The following MUC13 variants were observed in gnomAD, a reference collection of about 807,000 sequenced individuals.
The protein encoded by MUC13 is mucin-13.
MUC13 carries 32 observed loss-of-function variants against 48.3 expected under a neutral mutation model. That is an observed-to-expected ratio of 0.66 (90% CI 0.50 to 0.89). The LOEUF (loss-of-function observed/expected upper bound fraction) is 0.89, where lower values mean the gene tolerates loss of function less well. Ranked by LOEUF, MUC13 falls within the 40% of genes least tolerant of loss-of-function variation. The pLI is 0.00. For missense variants in MUC13, 571 were observed against 622.8 expected (o/e 0.92, Z 0.88); for synonymous variants, 199 against 224.9 (o/e 0.88, Z 1.03).
Position 124,913,617 on chromosome 3 carries a change from T to C in MUC13, c.1029A>G (p.Ala343=). 1 of 1,614,244 alleles carries C rather than the reference T, an allele frequency of 6.2e-7. No individual in the cohort carries two copies. Among genetic ancestry groups the C allele is most frequent in the South Asian group, 1.1e-5 (1 of 91,086 alleles). Residue 343 remains alanine (A), a synonymous_variant, in exon 7 of 12, where the codon GCA becomes GCG. Coordinates refer to ENST00000616727, the MANE Select transcript of MUC13 (RefSeq NM_033049.4). The part of the protein sequence containing the change: ...QTADDCLNGL[A]CDCKSDLQRP... ...TTTGCAGGTCAGATTTGCAATCGCA[T>C]GCTAAACCATTGAGGCAGTCATCCG... is the stretch of plus-strand genomic sequence containing the variant.
intron 6 of MUC13, among the ~76,000 whole-genome samples, chr3:124,915,011 A>G (rs1935486952): frequency 6.6e-6 from 1 of 152,220 alleles, no homozygotes; most frequent in South Asian, 2.1e-4. Flanking sequence ...GGGAGGCACG[A>G]AGGCGATTAG....
chr3:124,921,792 A>T (rs1559999438), intron 4 of MUC13, among the ~76,000 whole-genome samples: 3 of 152,302 alleles, frequency 2.0e-5, no homozygotes, highest in Admixed American at 6.5e-5. Context: ...ACATCTTTAA[A>T]TTTTTTCTCT....
At chr3:124,915,002 G>A (rs1935486714) in intron 6 of MUC13, among the ~76,000 whole-genome samples, 1 of 152,236 alleles carries the variant, frequency 6.6e-6, no homozygotes. Context: ...GAAGGATGAG[G>A]GAGGCACGAA....
At chr3:124,920,047 T>G in intron 5 of MUC13, 187 bp downstream of exon 5, 1 of 642,080 alleles carries the variant, frequency 1.6e-6, no homozygotes, top group South Asian at 1.9e-5. Flanking sequence ...CTGCCCAGAG[T>G]TGGGGTGACA....
intron 6 of MUC13, among the ~76,000 whole-genome samples, chr3:124,915,734 G>A (rs891867374): frequency 7.2e-5 from 11 of 152,202 alleles, no homozygotes; most frequent in African/African-American, 2.4e-4. Flanking sequence ...TGCTCAGGCT[G>A]GAGTGTGGTG....
intron 1 of MUC13, among the ~76,000 whole-genome samples, chr3:124,929,993 C>A (rs1453839741): frequency 6.6e-6 from 1 of 152,192 alleles, no homozygotes; most frequent in Admixed American, 6.5e-5. Flanking sequence ...GTGAGAGTGG[C>A]CAGGGGCTGG....
At chr3:124,930,771 C>T (rs1248105103) in intron 1 of MUC13, among the ~76,000 whole-genome samples, 2 of 152,168 alleles carry the variant, frequency 1.3e-5, no homozygotes, top group Non-Finnish European at 1.5e-5. Flanking sequence ...CACAATCAAA[C>T]GCCTTTCTCC....
chr3:124,920,880 G>A (rs1360846399), intron 4 of MUC13, among the ~76,000 whole-genome samples: 1 of 152,222 alleles, frequency 6.6e-6, no homozygotes, highest in African/African-American at 2.4e-5. Flanking sequence ...GAGAGGGCAA[G>A]TCACTGCCAG....
In MUC13 at chr3:124,927,879, G is replaced by A. The variant is rs1218107975; in HGVS notation, c.167C>T (p.Thr56Ile). Residue 56 changes from threonine (T) to isoleucine (I), a missense_variant, in exon 2 of 12, where the codon ACC becomes ATC. Physicochemically the swap from Thr to Ile is moderately conservative, Grantham distance 89 (BLOSUM62 -1). Transcript: ENST00000616727. ...TGGGAAAGAAGGTGTATTTGCTGTGGTGCTAGCAGTTTCAGGGAAATTAGT... is the reference window on the plus strand; with the variant it reads ...TGGGAAAGAAGGTGTATTTGCTGTGATGCTAGCAGTTTCAGGGAAATTAGT... ...TETNFPETAS[T>I]TANTPSFPTA... The A allele has an allele frequency of 8.7e-6, 14 of 1,613,944 alleles. No homozygotes were observed. In the South Asian group the frequency reaches 1.5e-4, roughly 18 times the overall value.
chr3:124,925,318 G>A (rs753280802), intron 2 of MUC13, among the ~76,000 whole-genome samples: 15 of 152,194 alleles, frequency 9.9e-5, no homozygotes, highest in Non-Finnish European at 2.1e-4. Flanking sequence ...AGTTAGAGGG[G>A]AGGATGAAAA....
At chr3:124,923,398 C>A in intron 3 of MUC13, 129 bp downstream of exon 3, 2 of 962,202 alleles carry the variant, frequency 2.1e-6, no homozygotes, top group Non-Finnish European at 3.1e-6. Flanking sequence ...ACTTTGCTGG[C>A]CTTTGTTGCC....
Position 124,906,038 on chromosome 3 carries a change from G to C in MUC13, c.*705C>G, listed in dbSNP as rs1006374098. On this transcript the variant is annotated 3_prime_UTR_variant, in exon 12 of 12. Transcript: ENST00000616727. ...CCTAGCATTTCAAAAACTGTAGAGT[G>C]CACCCCATAGTGGACATTTTTAGTC... 2 of 152,600 alleles carry C rather than the reference G, an allele frequency of 1.3e-5. No homozygotes were observed. The highest frequency in any genetic ancestry group is 2.1e-4 in the South Asian group (1 of 4,824). The allele number at this position is 152,600 out of a possible 1,614,324, so 9.5% of individuals were successfully genotyped here. A position where few individuals can be genotyped will look rare whatever the true frequency, so the allele number is the denominator to read the frequency against.
At chr3:124,933,831 A>C (rs961453879) in intron 1 of MUC13, among the ~76,000 whole-genome samples, 6 of 152,150 alleles carry the variant, frequency 3.9e-5, no homozygotes, top group South Asian at 2.1e-4. Flanking sequence ...AATTTTAGGA[A>C]GCCAATTGGC....
Position 124,918,876 on chromosome 3 carries a change from T to G in MUC13, c.800+1358A>C, listed in dbSNP as rs137871538. 3.6e-3 allele frequency among the ~76,000 whole-genome samples: 548 copies of G among 152,344 alleles called. 2 individuals are homozygous for G. The highest frequency in any genetic ancestry group is 6.8e-3 in the Middle Eastern group (2 of 294). On this transcript the variant is annotated intron_variant, in intron 5 of 11. Coordinates refer to ENST00000616727, the MANE Select transcript of MUC13 (RefSeq NM_033049.4). The stretch of plus-strand genomic sequence containing the variant: ...AGAGCCACTGTGTTTGGGCCCAGCC[T>G]GTCTGTTTGCTGCCAGCCTCCCACC...
rs527528592 is a variant in MUC13 at position 124,931,969 on chromosome 3, T to C, written c.52+2692A>G. ...CTGAGGCAGGAGAATTGCTTGAACC[T>C]GGCAGGCGGAGGTTGCAGTGAGCCA... On this transcript the variant is annotated intron_variant, in intron 1 of 11. Coordinates refer to ENST00000616727, the MANE Select transcript of MUC13 (RefSeq NM_033049.4). 1.3e-4 allele frequency among the ~76,000 whole-genome samples: 19 copies of C among 151,750 alleles called. No homozygotes were observed. The South Asian group carries it at 2.9e-3, about 23-fold the overall frequency.
At chr3:124,924,368 G>A (rs1371419072) in intron 2 of MUC13, among the ~76,000 whole-genome samples, 1 of 152,228 alleles carries the variant, frequency 6.6e-6, no homozygotes, top group Admixed American at 6.5e-5. Flanking sequence ...GAGATCTGAG[G>A]AGGAGAGTTA....
In MUC13 at chr3:124,920,243, A is replaced by G; in HGVS notation, c.791T>C (p.Leu264Pro). The G allele has an allele frequency of 6.2e-7, 1 of 1,606,598 alleles. No homozygotes were observed. The highest frequency in any genetic ancestry group is 8.5e-7 in the Non-Finnish European group (1 of 1,175,596). Residue 264 changes from leucine (L) to proline (P), a missense_variant, in exon 5 of 12, where the codon CTT becomes CCT. Physicochemically the swap from Leu to Pro is moderately conservative, Grantham distance 98 (BLOSUM62 -3). Transcript: ENST00000616727. ...TCCATAACAAACTTACCTTACAGTA[A>G]GAATTACAGTCTGTCCATAAACAGA... Reference protein sequence around the residue: ...GTSVYGQTVILTVSTSLSPRS... With the variant: ...GTSVYGQTVIPTVSTSLSPRS...
At chr3:124,910,532 A>T in intron 9 of MUC13, 33 bp from the exon 10 acceptor site, 1 of 1,612,888 alleles carries the variant, frequency 6.2e-7, no homozygotes, top group Non-Finnish European at 8.5e-7. Flanking sequence ...AACAGTCTCC[A>T]ACAAGCTGGC....
chr3:124,920,993 G>A (rs1265476851), intron 4 of MUC13, among the ~76,000 whole-genome samples: 1 of 152,218 alleles, frequency 6.6e-6, no homozygotes, highest in African/African-American at 2.4e-5. Context: ...GGCTGGCTGT[G>A]CAGTCGGAAG....
Sources: allele counts gnomAD v4.1 joint callset (sites outside exome capture counted in the v4.1 genomes callset), GRCh38; gene constraint gnomAD v4.1.1; transcripts MANE v1.5; gene names NCBI Gene and HGNC (gene_info 2026-07-23, HGNC 2026-07-21).